The following LRP1B variants were observed in gnomAD, a reference collection of about 807,000 sequenced individuals.
LRP1B encodes LDL receptor related protein 1B.
A neutral mutation model predicts 556.6 loss-of-function variants in LRP1B; 217 were observed. That is an observed-to-expected ratio of 0.39 (90% CI 0.35 to 0.44). The LOEUF is 0.44. Ranked by LOEUF, LRP1B falls within the 20% of genes least tolerant of loss-of-function variation. The pLI, the probability that LRP1B is intolerant of heterozygous loss-of-function variation, is 1.00. For missense variants in LRP1B, 5,053 were observed against 5,620.8 expected, an observed-to-expected ratio of 0.90 and a Z score of 3.23; for synonymous variants, 2,047 against 1,865.8, an observed-to-expected ratio of 1.10 and a Z score of -2.50.
intron 35 of LRP1B, among the ~76,000 whole-genome samples, chr2:140,739,141 A>C (rs1163684302): frequency 2.6e-5 from 4 of 152,172 alleles, no homozygotes; most frequent in Non-Finnish European, 5.9e-5. Flanking sequence ...AGTTTGTTAC[A>C]CTGGCTTAGT....
intron 1 of LRP1B, among the ~76,000 whole-genome samples, chr2:141,937,536 T>C (rs1700672289): frequency 6.6e-6 from 1 of 152,030 alleles, no homozygotes; most frequent in Non-Finnish European, 1.5e-5. Flanking sequence ...TCGTCTATCA[T>C]TCCAAGCAAC....
At chr2:141,291,725 G>T (rs552943832) in intron 3 of LRP1B, among the ~76,000 whole-genome samples, 1 of 151,526 alleles carries the variant, frequency 6.6e-6, no homozygotes, top group Non-Finnish European at 1.5e-5. Context: ...GAGTGGTGGC[G>T]GGCACCTGTA....
At chr2:142,116,607 C>T (rs1707285203) in intron 1 of LRP1B, among the ~76,000 whole-genome samples, 2 of 151,930 alleles carry the variant, frequency 1.3e-5, no homozygotes, top group Admixed American at 6.6e-5. Flanking sequence ...TGTTGTCTTG[C>T]CAATGCTACA....
At chr2:141,030,154 G>A (rs762892043) in intron 11 of LRP1B, among the ~76,000 whole-genome samples, 9 of 152,052 alleles carry the variant, frequency 5.9e-5, no homozygotes, top group Non-Finnish European at 1.3e-4. Flanking sequence ...AGAATATTCA[G>A]TTATGTTTCT....
chr2:141,445,345 T>A (rs1221371287), intron 3 of LRP1B, among the ~76,000 whole-genome samples: 4 of 152,190 alleles, frequency 2.6e-5, no homozygotes, highest in Admixed American at 2.6e-4. Context: ...TGGCTAGTGG[T>A]CTATTTTGTT....
chr2:140,577,209 G>A (rs1472151387), intron 43 of LRP1B, among the ~76,000 whole-genome samples: 2 of 152,060 alleles, frequency 1.3e-5, no homozygotes, highest in African/African-American at 4.8e-5. Flanking sequence ...CCTTGGCCAG[G>A]TGTGGTTGCT....
chr2:141,994,130 A>T (rs1702420888), intron 1 of LRP1B, among the ~76,000 whole-genome samples: 1 of 152,298 alleles, frequency 6.6e-6, no homozygotes, highest in Admixed American at 6.5e-5. Flanking sequence ...CATGAGCAAC[A>T]TGCTTGAATG....
chr2:141,733,418 G>C (rs1002172198), intron 2 of LRP1B, among the ~76,000 whole-genome samples: 1 of 152,058 alleles, frequency 6.6e-6, no homozygotes, highest in East Asian at 1.9e-4. Flanking sequence ...CTCGGGTTTA[G>C]CATCTCTCAC....
At chr2:141,044,901 C>T (rs1309478932) in intron 11 of LRP1B, among the ~76,000 whole-genome samples, 1 of 151,232 alleles carries the variant, frequency 6.6e-6, no homozygotes, top group Admixed American at 6.6e-5. Flanking sequence ...ACCATTTGAC[C>T]CAGCCATCCC....
chr2:141,364,026 A>G (rs1046079883), intron 3 of LRP1B, among the ~76,000 whole-genome samples: 2 of 152,108 alleles, frequency 1.3e-5, no homozygotes, highest in South Asian at 2.1e-4. Flanking sequence ...TTTCTCCTCC[A>G]TATCATACTT....
chr2:141,594,781 GAGTT>G (rs1283537962), intron 2 of LRP1B, among the ~76,000 whole-genome samples: 1 of 152,000 alleles, frequency 6.6e-6, no homozygotes, highest in African/African-American at 2.4e-5. Context: ...ATAATTTTTT[GAGTT>G]AATATTTAGA....
chr2:141,356,521 G>T (rs986645971), intron 3 of LRP1B, among the ~76,000 whole-genome samples: 6 of 148,342 alleles, frequency 4.0e-5, no homozygotes, highest in Admixed American at 1.3e-4. Flanking sequence ...TTTGAGCATC[G>T]TTCTAGGCTA....
chr2:141,352,512 G>T (rs1405875655), intron 3 of LRP1B, among the ~76,000 whole-genome samples: 4 of 151,674 alleles, frequency 2.6e-5, no homozygotes, highest in African/African-American at 9.7e-5. Flanking sequence ...AGCACCTTTT[G>T]GTTCTCAGAA....
intron 51 of LRP1B, among the ~76,000 whole-genome samples, chr2:140,510,986 G>C (rs1689627056): frequency 6.6e-6 from 1 of 151,696 alleles, no homozygotes; most frequent in Admixed American, 6.6e-5. Flanking sequence ...TCAGTAACAT[G>C]ACCCTAAATC....
intron 14 of LRP1B, among the ~76,000 whole-genome samples, chr2:141,008,093 A>G (rs917534472): frequency 6.6e-6 from 1 of 151,410 alleles, no homozygotes; most frequent in African/African-American, 2.4e-5. Flanking sequence ...TCTGAGAACT[A>G]GAAAAATATT....
intron 84 of LRP1B, among the ~76,000 whole-genome samples, chr2:140,291,316 A>ATTTTTT (rs946522615): frequency 7.3e-5 from 5 of 68,748 alleles, no homozygotes; most frequent in Admixed American, 4.1e-4. Context: ...ATATATATAT[A>ATTTTTT]TATTTTTATT....
chr2:140,745,949 T>C (rs551021863), intron 35 of LRP1B, among the ~76,000 whole-genome samples: 6 of 152,152 alleles, frequency 3.9e-5, no homozygotes, highest in Admixed American at 2.0e-4. Flanking sequence ...AGAAAGGAGA[T>C]TGTGATATGC....
At chr2:140,625,380 G>T (rs971869562) in intron 41 of LRP1B, among the ~76,000 whole-genome samples, 1 of 152,180 alleles carries the variant, frequency 6.6e-6, no homozygotes, top group Non-Finnish European at 1.5e-5. Context: ...TAATTGATAA[G>T]CTGGAGTCCA....
At chr2:141,019,698 A>T (rs1452401660) in intron 12 of LRP1B, among the ~76,000 whole-genome samples, 1 of 152,050 alleles carries the variant, frequency 6.6e-6, no homozygotes, top group Admixed American at 6.6e-5. Flanking sequence ...CAAGTAATAC[A>T]TCTTTGCGCA....
Sources: gnomAD v4.1 joint callset for allele counts (sites outside exome capture counted in the v4.1 genomes callset) on GRCh38, gnomAD v4.1.1 for gene constraint, MANE v1.5 for transcripts, NCBI Gene and HGNC (gene_info 2026-07-23, HGNC 2026-07-21) for gene names.